Variants in INHBA observed in about 807,000 individuals in gnomAD.
INHBA encodes inhibin beta A chain.
Under a neutral mutation model 29.0 loss-of-function variants are expected in INHBA, and 1 was observed. The ratio of observed to expected loss-of-function variants is 0.03; its 90% CI spans 0.01 to 0.16. The LOEUF is 0.16. INHBA is among the 10% of genes least tolerant of loss of function. INHBA has a pLI of 1.00. For synonymous variants in INHBA, 242 were observed against 216.8 expected (o/e 1.12, Z -1.02); for missense variants, 376 against 545.4 (o/e 0.69, Z 3.09).
chr7:41,696,591 A>G (rs956558639), intron 2 of INHBA, among the ~76,000 whole-genome samples: 2 of 152,168 alleles, frequency 1.3e-5, no homozygotes, highest in Non-Finnish European at 2.9e-5. Flanking sequence ...ATACACTGAC[A>G]AGGAGCAAAA....
At chr7:41,692,874 G>A (rs1024096232) in intron 2 of INHBA, among the ~76,000 whole-genome samples, 1 of 152,202 alleles carries the variant, frequency 6.6e-6, no homozygotes, top group Non-Finnish European at 1.5e-5. Context: ...CCCATAAGCA[G>A]AGCTTAATCA....
At chr7:41,702,292 T>G (rs1794813536) in intron 1 of INHBA, among the ~76,000 whole-genome samples, 1 of 152,208 alleles carries the variant, frequency 6.6e-6, no homozygotes, top group African/African-American at 2.4e-5. Flanking sequence ...TTAACAATGC[T>G]TTCTGAATTA....
chr7:41,693,206 T>G (rs753044798), intron 2 of INHBA, among the ~76,000 whole-genome samples: 4 of 152,020 alleles, frequency 2.6e-5, no homozygotes, highest in Non-Finnish European at 4.4e-5. Flanking sequence ...TAGGAAAGAG[T>G]GTAAAACTGG....
chr7:41,689,590 C>T lies in INHBA; in HGVS notation c.*60G>A. Reference sequence around the variant, plus strand: ...AACTCAGAAACCTTAAAAATTTCTTCATTTTGCCACTGTCTTCTCTGGACA... The same window carrying T: ...AACTCAGAAACCTTAAAAATTTCTTTATTTTGCCACTGTCTTCTCTGGACA... On this transcript the variant is annotated 3_prime_UTR_variant, in exon 3 of 3. Coordinates refer to ENST00000242208, the MANE Select transcript of INHBA (RefSeq NM_002192.4). 3 of 1,227,028 alleles carry T rather than the reference C, an allele frequency of 2.4e-6. No individual in the cohort carries two copies. The highest frequency in any genetic ancestry group is 3.1e-6 in the Non-Finnish European group (3 of 958,186). 76.0% of individuals were successfully genotyped at this position (1,227,028 alleles called of 1,614,324 possible).
chr7:41,689,514 T>G lies in INHBA; in HGVS notation c.*136A>C, dbSNP rs1003967321. 153 of 748,394 alleles carry G rather than the reference T, an allele frequency of 2.0e-4. No individual in the cohort carries two copies. Among genetic ancestry groups the G allele is most frequent in the East Asian group, 1.2e-3 (37 of 31,692 alleles). 46.4% of individuals were successfully genotyped at this position (748,394 alleles called of 1,614,324 possible). On this transcript the variant is annotated 3_prime_UTR_variant, in exon 3 of 3. Coordinates refer to ENST00000242208, the MANE Select transcript of INHBA (RefSeq NM_002192.4). ...AGGTTTTGTTTTTAATTTACTTTTG[T>G]TTTTTTTTGTTTTTTTTTTTGTTTT...
rs1794421436 is a variant in INHBA, at chr7:41,687,896, A to C, written c.*1754T>G. 6.6e-6 allele frequency: 1 copy of C among 152,252 alleles called. No individual in the cohort carries two copies. The highest frequency in any genetic ancestry group is 2.4e-5 in the African/African-American group (1 of 41,476). 9.4% of individuals were successfully genotyped at this position (152,252 alleles called of 1,614,324 possible). On this transcript the variant is annotated 3_prime_UTR_variant, in exon 3 of 3. Transcript: ENST00000242208. ...ATAGACACTAAGTTGGAAAAACATC[A>C]GCCCAGAGTTTTGATTATCATCCTG...
intron 2 of INHBA, among the ~76,000 whole-genome samples, chr7:41,693,350 G>T (rs574487948): frequency 6.6e-6 from 1 of 152,196 alleles, no homozygotes; most frequent in East Asian, 1.9e-4. Context: ...GTGCTGACCC[G>T]CATGCAGTGG....
In INHBA at chr7:41,690,534, T is replaced by C. The variant is rs1794479123; in HGVS notation, c.397A>G (p.Arg133Gly). The C allele has an allele frequency of 1.3e-6, 2 of 1,595,468 alleles. No individual in the cohort carries two copies. The highest frequency in any genetic ancestry group is 3.5e-5 in the Admixed American group (2 of 57,804). The change falls in exon 3 of 3, where the codon AGG becomes GGG. Residue 133 changes from arginine to glycine, a missense_variant. Transcript: ENST00000242208. ...GAAATCTCGAAGTGCAGCGTCTTCC[T>C]GGCTGTTCCTGAAGATGAAAGACAG... is the stretch of plus-strand genomic sequence containing the variant. ...IITFAESGTA[R>G]KTLHFEISKE...
chr7:41,692,557 G>A (rs1040397068), intron 2 of INHBA: 1 of 152,322 alleles, frequency 6.6e-6, no homozygotes, highest in Non-Finnish European at 1.5e-5. Flanking sequence ...GGATAGGAAA[G>A]GTTCTCTGGC....
Position 41,700,210 on chromosome 7 carries a change from C to T in INHBA, c.165G>A (p.Val55=), listed in dbSNP as rs1300310974. Residue 55 remains valine, a synonymous_variant, in exon 2 of 3, where the codon GTG becomes GTA. Coordinates refer to ENST00000242208, the MANE Select transcript of INHBA (RefSeq NM_002192.4). ...KDVPNSQPEM[V]EAVKKHILNM... ...TTAAAATGTGCTTCTTGACGGCCTC[C>T]ACCATCTCTGGCTGAGAGTTGGGTA... 4 of 1,613,962 alleles carry T rather than the reference C, an allele frequency of 2.5e-6. No homozygotes were observed. Among genetic ancestry groups the T allele is most frequent in the Non-Finnish European group, 3.4e-6 (4 of 1,179,982 alleles).
chr7:41,695,108 G>C (rs1310457371), intron 2 of INHBA, among the ~76,000 whole-genome samples: 1 of 152,118 alleles, frequency 6.6e-6, no homozygotes, highest in African/African-American at 2.4e-5. Flanking sequence ...CAGATTTGTG[G>C]GTCTATGAAC....
intron 2 of INHBA, among the ~76,000 whole-genome samples, chr7:41,693,430 G>A (rs1288493819): frequency 6.6e-6 from 1 of 152,198 alleles, no homozygotes; most frequent in African/African-American, 2.4e-5. Context: ...GGGTTACTTG[G>A]CTGACTAGAA....
At chr7:41,693,020 G>A (rs1233699856) in intron 2 of INHBA, among the ~76,000 whole-genome samples, 1 of 152,156 alleles carries the variant, frequency 6.6e-6, no homozygotes, top group Non-Finnish European at 1.5e-5. Flanking sequence ...TCCAGCTTGG[G>A]CACATCTGCC....
chr7:41,701,905 T>C (rs568532746), intron 1 of INHBA, among the ~76,000 whole-genome samples: 12 of 152,308 alleles, frequency 7.9e-5, no homozygotes, highest in Admixed American at 5.2e-4. Flanking sequence ...GAAATCATCA[T>C]GGATTTTAGT....
At position 41,688,111 on chromosome 7, in the gene INHBA, A is replaced by G. The variant is rs1046978590; in HGVS notation, c.*1539T>C. The G allele has an allele frequency of 2.0e-5, 3 of 152,262 alleles. No homozygotes were observed. The highest frequency in any genetic ancestry group is 1.9e-4 in the East Asian group (1 of 5,206). The allele number at this position is 152,262 out of a possible 1,614,324, so 9.4% of individuals were successfully genotyped here. ...GCAAAAACTATAGCCTATCCTTCTT[A>G]AAAATACTGTGTTTTGCACACAAAC... is the stretch of plus-strand genomic sequence containing the variant. On this transcript the variant is annotated 3_prime_UTR_variant, in exon 3 of 3. Coordinates refer to ENST00000242208, the MANE Select transcript of INHBA (RefSeq NM_002192.4).
At position 41,700,143 on chromosome 7, in the gene INHBA, C is replaced by T. The variant is rs771076354; in HGVS notation, c.232G>A (p.Val78Ile). The change falls in exon 2 of 3, where the codon GTA (valine) becomes ATA (isoleucine). Residue 78 changes from valine to isoleucine, a missense_variant. This residue lies in a region of INHBA where 253 missense variants were observed against 313.4 expected (regional missense o/e 0.81). Coordinates refer to ENST00000242208, the MANE Select transcript of INHBA (RefSeq NM_002192.4). ...LKKRPDVTQP[V>I]PKAALLNAIR... ...GCGTTCAGAAGCGCCGCCTTGGGTA[C>T]CGGCTGGGTGACATCGGGTCTCTTC... The T allele has an allele frequency of 9.9e-6, 16 of 1,614,006 alleles. No individual in the cohort carries two copies. The Admixed American group carries it at 2.5e-4, about 25-fold the overall frequency.
Position 41,685,165 on chromosome 7 carries a change from G to A in INHBA, c.*4485C>T, listed in dbSNP as rs1435067369. The A allele has an allele frequency of 1.3e-5, 2 of 152,038 alleles. No homozygotes were observed. The highest frequency in any genetic ancestry group is 2.4e-5 in the African/African-American group (1 of 41,418). 9.4% of individuals were successfully genotyped at this position (152,038 alleles called of 1,614,324 possible). A position where few individuals can be genotyped will look rare whatever the true frequency, so the allele number is the denominator to read the frequency against. On this transcript the variant is annotated 3_prime_UTR_variant, in exon 3 of 3. Transcript: ENST00000242208. ...AACATAAGGCCAAAGAAGCTATCAGGCGTTGCTGAATACTGTCCACTAACT... is the reference window on the plus strand; with the variant it reads ...AACATAAGGCCAAAGAAGCTATCAGACGTTGCTGAATACTGTCCACTAACT...
rs1025123757 is a variant in INHBA, at chr7:41,686,482, G to A, written c.*3168C>T. The A allele has an allele frequency of 5.3e-5, 8 of 152,102 alleles. No homozygotes were observed. The highest frequency in any genetic ancestry group is 1.2e-4 in the Non-Finnish European group (8 of 68,002). 9.4% of individuals were successfully genotyped at this position (152,102 alleles called of 1,614,324 possible). A position where few individuals can be genotyped will look rare whatever the true frequency, so the allele number is the denominator to read the frequency against. On this transcript the variant is annotated 3_prime_UTR_variant, in exon 3 of 3. Coordinates refer to ENST00000242208, the MANE Select transcript of INHBA (RefSeq NM_002192.4). Reference sequence around the variant, plus strand: ...TTTACTTTTGGCCTCATGCTGCTAGGTGAAAGAGTGGTTGTTCACAGGACT... The same window carrying A: ...TTTACTTTTGGCCTCATGCTGCTAGATGAAAGAGTGGTTGTTCACAGGACT...
At position 41,700,132 on chromosome 7, in the gene INHBA, C is replaced by T. The variant is rs1306845262; in HGVS notation, c.243G>A (p.Ala81=). 1 of 1,614,132 alleles carries T rather than the reference C, an allele frequency of 6.2e-7. No individual in the cohort carries two copies. Among genetic ancestry groups the T allele is most frequent in the Admixed American group, 1.7e-5 (1 of 60,030 alleles). The change falls in exon 2 of 3, where the codon GCG becomes GCA. Residue 81 remains alanine (A), a synonymous_variant. Coordinates refer to ENST00000242208, the MANE Select transcript of INHBA (RefSeq NM_002192.4). Reference sequence around the variant, plus strand: ...GCTTTCTGATCGCGTTCAGAAGCGCCGCCTTGGGTACCGGCTGGGTGACAT... The same window carrying T: ...GCTTTCTGATCGCGTTCAGAAGCGCTGCCTTGGGTACCGGCTGGGTGACAT... ...RPDVTQPVPK[A]ALLNAIRKLH...
Sources: gnomAD v4.1 joint callset for allele counts (sites outside exome capture counted in the v4.1 genomes callset) on GRCh38, gnomAD v4.1.1 for gene constraint, gnomAD v4.1.1 regional missense constraint, MANE v1.5 for transcripts, NCBI Gene and HGNC (gene_info 2026-07-23, HGNC 2026-07-21) for gene names.